CST9L: variants seen among roughly 807,000 people sequenced by gnomAD.
CST9L encodes cystatin-9-like.
A neutral mutation model predicts 13.2 loss-of-function variants in CST9L; 17 were observed. That is an observed-to-expected ratio of 1.29 (90% CI 0.88 to 1.93). The LOEUF (loss-of-function observed/expected upper bound fraction) is 1.93. CST9L is among the 30% of genes most tolerant of loss of function. The pLI, the probability that CST9L is intolerant of heterozygous loss-of-function variation, is 0.00. For missense variants in CST9L, 170 were observed against 170.5 expected, an observed-to-expected ratio of 1.00 and a Z score of 0.02; for synonymous variants, 78 against 69.1, an observed-to-expected ratio of 1.13 and a Z score of -0.64.
chr20:23,565,093 G>T, intron 2 of CST9L, 56 bp from the exon 3 acceptor site: 1 of 1,251,568 alleles, frequency 8.0e-7, no homozygotes, highest in Non-Finnish European at 1.2e-6. Flanking sequence ...GGAAGCTCAT[G>T]GCTCAAGCTC....
At chr20:23,565,159 G>A (rs141937776) in intron 2 of CST9L, 122 bp from the exon 3 acceptor site, 8,672 of 729,476 alleles carry the variant, frequency 0.012, 113 homozygotes, top group Non-Finnish European at 0.014. Flanking sequence ...GTGGGAAGAC[G>A]GGGCCTCTGG....
In CST9L at chr20:23,564,882, G is replaced by T; in HGVS notation, c.*66C>A. 1 of 1,113,942 alleles carries T rather than the reference G, an allele frequency of 9.0e-7. No individual in the cohort carries two copies. The highest frequency in any genetic ancestry group is 1.4e-6 in the Non-Finnish European group (1 of 723,002). 69.0% of individuals were successfully genotyped at this position (1,113,942 alleles called of 1,614,324 possible). A position where few individuals can be genotyped will look rare whatever the true frequency, so the allele number is the denominator to read the frequency against. On this transcript the variant is annotated 3_prime_UTR_variant, in exon 3 of 3. Transcript: ENST00000376979. ...TGCTCAGCCACTGAAGAGTCCTCAG[G>T]AGAGTAGTGCTGATGTCCACGGAAT...
intron 1 of CST9L, 115 bp downstream of exon 1, chr20:23,568,096 G>A: frequency 9.8e-7 from 1 of 1,020,256 alleles, no homozygotes; most frequent in South Asian, 1.5e-5. Flanking sequence ...CTTAAGTATG[G>A]ACTACAACTG....
intron 2 of CST9L, among the ~76,000 whole-genome samples, chr20:23,565,309 C>A (rs973256540): frequency 6.6e-6 from 1 of 152,188 alleles, no homozygotes; most frequent in Non-Finnish European, 1.5e-5. Flanking sequence ...CCCGGGCTGT[C>A]CTGGTGTGAT....
chr20:23,567,147 C>T (rs925062832), intron 1 of CST9L, among the ~76,000 whole-genome samples: 1 of 152,092 alleles, frequency 6.6e-6, no homozygotes, highest in Non-Finnish European at 1.5e-5. Flanking sequence ...GGTTGGGGTC[C>T]TTTTGCTCTT....
In CST9L at chr20:23,564,920, C is replaced by G. The variant is rs757687248; in HGVS notation, c.*28G>C. On this transcript the variant is annotated 3_prime_UTR_variant, in exon 3 of 3. Transcript: ENST00000376979. ...ATGTCCACGGAATGTGGGAGCAGCA[C>G]ATGGACAAGCCTGTGAGTGGGTTTC... 1.3e-6 allele frequency: 2 copies of G among 1,522,326 alleles called. No homozygotes were observed. Among genetic ancestry groups the G allele is most frequent in the Admixed American group, 3.3e-5 (2 of 59,908 alleles). 94.3% of individuals were successfully genotyped at this position (1,522,326 alleles called of 1,614,324 possible).
intron 1 of CST9L, 96 bp downstream of exon 1, chr20:23,568,115 G>T: frequency 7.8e-7 from 1 of 1,282,466 alleles, no homozygotes; most frequent in Non-Finnish European, 1.1e-6. Flanking sequence ...TGGTGAACAA[G>T]ACTCTTCAAT....
In CST9L at chr20:23,564,914, G is replaced by A. The variant is rs778278324; in HGVS notation, c.*34C>T. The A allele has an allele frequency of 2.1e-6, 3 of 1,432,468 alleles. No individual in the cohort carries two copies. The highest frequency in any genetic ancestry group is 2.3e-5 in the East Asian group (1 of 44,026). 88.7% of individuals were successfully genotyped at this position (1,432,468 alleles called of 1,614,324 possible). On this transcript the variant is annotated 3_prime_UTR_variant, in exon 3 of 3. Coordinates refer to ENST00000376979, the MANE Select transcript of CST9L (RefSeq NM_080610.3). ...GTGCTGATGTCCACGGAATGTGGGA[G>A]CAGCACATGGACAAGCCTGTGAGTG...
chr20:23,566,228 ATCT>A (rs1260523919), intron 1 of CST9L, 141 bp from the exon 2 acceptor site: 1 of 675,004 alleles, frequency 1.5e-6, no homozygotes, highest in Non-Finnish European at 2.7e-6. Flanking sequence ...GCATCAGGAG[ATCT>A]TCTTTAGATT....
At position 23,568,400 on chromosome 20, in the gene CST9L, AAGC is replaced by A; in HGVS notation, c.48_50del (p.Leu19del). 6.2e-7 allele frequency: 1 copy of A among 1,614,088 alleles called. No homozygotes were observed. The highest frequency in any genetic ancestry group is 1.3e-5 in the African/African-American group (1 of 75,010). Reference sequence around the variant, plus strand: ...TCAGCAGGATCTGGGAGCCTAAGAGAAGCAGCAGCAGCGCCCAGGACAGACCTC... The same window carrying A: ...TCAGCAGGATCTGGGAGCCTAAGAGAAGCAGCAGCGCCCAGGACAGACCTC... On this transcript the variant is annotated inframe_deletion, in exon 1 of 3. Transcript: ENST00000376979.
At chr20:23,566,509 C>T (rs1404514606) in intron 1 of CST9L, among the ~76,000 whole-genome samples, 2 of 151,292 alleles carry the variant, frequency 1.3e-5, no homozygotes, top group African/African-American at 2.5e-5. Context: ...TTCCACCTGA[C>T]CTGAGGAAAA....
At position 23,566,038 on chromosome 20, in the gene CST9L, C is replaced by T; in HGVS notation, c.290G>A (p.Arg97Lys). The stretch of plus-strand genomic sequence containing the variant: ...AATGTCGTCTTCAAATTTCCCACAC[C>T]TAGTTCTCCCCAGCAGTAGCTCCAT... The part of the protein sequence containing the change: ...FSMELLLGRT[R>K]CGKFEDDIDN... The change falls in exon 2 of 3, where the codon AGG becomes AAG. Residue 97 changes from arginine to lysine, a missense_variant. Physicochemically the swap from Arg to Lys is conservative, Grantham distance 26. Coordinates refer to ENST00000376979, the MANE Select transcript of CST9L (RefSeq NM_080610.3). 6.2e-7 allele frequency: 1 copy of T among 1,611,780 alleles called. No individual in the cohort carries two copies. Among genetic ancestry groups the T allele is most frequent in the Non-Finnish European group, 8.5e-7 (1 of 1,177,800 alleles).
In CST9L at chr20:23,568,471, C is replaced by T. The variant is rs755343207; in HGVS notation, c.-21G>A. 42 of 1,610,100 alleles carry T rather than the reference C, an allele frequency of 2.6e-5. No individual in the cohort carries two copies. The Middle Eastern group carries it at 4.9e-4, about 19-fold the overall frequency. On this transcript the variant is annotated 5_prime_UTR_variant, in exon 1 of 3. Transcript: ENST00000376979. Reference sequence around the variant, plus strand: ...AGCATGGTGCTGACTGTAGGCACCGCTGACTTTGCTCTTCCCAGCCCCCGT... The same window carrying T: ...AGCATGGTGCTGACTGTAGGCACCGTTGACTTTGCTCTTCCCAGCCCCCGT...
At chr20:23,566,880 T>A (rs1989104676) in intron 1 of CST9L, among the ~76,000 whole-genome samples, 1 of 152,020 alleles carries the variant, frequency 6.6e-6, no homozygotes, top group African/African-American at 2.4e-5. Context: ...AGGGTGAGAC[T>A]CCATATCAAA....
intron 1 of CST9L, among the ~76,000 whole-genome samples, chr20:23,567,319 C>T (rs1000511328): frequency 2.0e-5 from 3 of 151,888 alleles, no homozygotes; most frequent in Admixed American, 6.6e-5. Flanking sequence ...ACCAGCCTGG[C>T]CAACATAGTG....
intron 2 of CST9L, 127 bp downstream of exon 2, chr20:23,565,847 G>A (rs994591988): frequency 1.1e-5 from 8 of 720,926 alleles, no homozygotes; most frequent in South Asian, 7.6e-5. Flanking sequence ...CACAAGCAGG[G>A]CAGCCTGGTA....
chr20:23,564,926 C>G lies in CST9L; in HGVS notation c.*22G>C. On this transcript the variant is annotated 3_prime_UTR_variant, in exon 3 of 3. Coordinates refer to ENST00000376979, the MANE Select transcript of CST9L (RefSeq NM_080610.3). ...ACGGAATGTGGGAGCAGCACATGGA[C>G]AAGCCTGTGAGTGGGTTTCACTCAG... is the stretch of plus-strand genomic sequence containing the variant. 1 of 1,556,964 alleles carries G rather than the reference C, an allele frequency of 6.4e-7. No homozygotes were observed. The highest frequency in any genetic ancestry group is 8.9e-7 in the Non-Finnish European group (1 of 1,127,908).
chr20:23,566,176 T>G, intron 1 of CST9L, 89 bp from the exon 2 acceptor site: 4 of 801,398 alleles, frequency 5.0e-6, no homozygotes, highest in Non-Finnish European at 9.0e-6. Flanking sequence ...GTAGGAGAAG[T>G]CCCAACATTC....
At chr20:23,568,190 G>A (rs1332329264) in intron 1 of CST9L, 21 bp downstream of exon 1, 1 of 1,613,958 alleles carries the variant, frequency 6.2e-7, no homozygotes, top group Non-Finnish European at 8.5e-7. Context: ...TGCCAGGGCA[G>A]GAGGGTACGT....
Sources: allele counts gnomAD v4.1 joint callset (sites outside exome capture counted in the v4.1 genomes callset), GRCh38; gene constraint gnomAD v4.1.1; transcripts MANE v1.5; gene names NCBI Gene and HGNC (gene_info 2026-07-23, HGNC 2026-07-21).